TNR: variants seen among roughly 807,000 people sequenced by gnomAD.
TNR encodes tenascin R, also known as tenascin-R.
A neutral mutation model predicts 150.4 loss-of-function variants in TNR; 45 were observed. The observed-to-expected ratio is 0.30, with a 90% CI of 0.24 to 0.38. The LOEUF (loss-of-function observed/expected upper bound fraction) is 0.38. TNR is among the 10% of genes least tolerant of loss of function. TNR has a pLI of 1.00. For synonymous variants in TNR, 687 were observed against 678.4 expected (o/e 1.01, Z -0.20); for missense variants, 1,544 against 1,759.1 (o/e 0.88, Z 2.19).
chr1:175,549,419 C>T lies in TNR; in HGVS notation c.-164-21050G>A, dbSNP rs1350082483. On this transcript the variant is annotated intron_variant, in intron 1 of 22. Coordinates refer to ENST00000367674, the MANE Select transcript of TNR (RefSeq NM_003285.3). Reference sequence around the variant, plus strand: ...ACATACATAGTTATTTCTGCTCCCTCCTAAAAATCTCAACACTGTGGTGGC... The same window carrying T: ...ACATACATAGTTATTTCTGCTCCCTTCTAAAAATCTCAACACTGTGGTGGC... Among the ~76,000 whole-genome samples, 3 of 152,184 alleles carry T rather than the reference C, an allele frequency of 2.0e-5. No homozygotes were observed. In the East Asian group the frequency reaches 5.8e-4, roughly 29 times the overall value.
At position 175,396,621 on chromosome 1, in the gene TNR, C is replaced by T. The variant is rs1208587436; in HGVS notation, c.1163G>A (p.Gly388Asp). 2 of 1,614,224 alleles carry T rather than the reference C, an allele frequency of 1.2e-6. No homozygotes were observed. Among genetic ancestry groups the T allele is most frequent in the East Asian group, 2.2e-5 (1 of 44,886 alleles). ...SGVTITELEP[G>D]LTYNISVYAV... ...GTAGACGCTGATGTTGTAGGTGAGACCTGGCTCCAGCTCCGTGATGGTGAC... is the reference window on the plus strand; with the variant it reads ...GTAGACGCTGATGTTGTAGGTGAGATCTGGCTCCAGCTCCGTGATGGTGAC... Residue 388 changes from glycine (G) to aspartate (D), a missense_variant, in exon 5 of 23, where the codon GGT becomes GAT. Physicochemically the swap from Gly to Asp is moderately conservative, Grantham distance 94 (BLOSUM62 -1). Coordinates refer to ENST00000367674, the MANE Select transcript of TNR (RefSeq NM_003285.3).
intron 1 of TNR, among the ~76,000 whole-genome samples, chr1:175,650,800 C>CCCACCTG (rs1664945131): frequency 8.5e-4 from 2 of 2,344 alleles, no homozygotes; most frequent in Non-Finnish European, 2.0e-3. Flanking sequence ...TCCCCCATCT[C>CCCACCTG]ATTACTACCT....
chr1:175,513,820 G>C (rs1051692433), intron 2 of TNR, among the ~76,000 whole-genome samples: 1 of 152,196 alleles, frequency 6.6e-6, no homozygotes, highest in African/African-American at 2.4e-5. Flanking sequence ...AACCTCTGGA[G>C]AGGGCTTCTC....
chr1:175,405,182 A>G (rs992064895), intron 3 of TNR, among the ~76,000 whole-genome samples: 6 of 152,160 alleles, frequency 3.9e-5, no homozygotes, highest in African/African-American at 1.4e-4. Context: ...GGGAGAGAAA[A>G]CCTGTGCACA....
intron 1 of TNR, among the ~76,000 whole-genome samples, chr1:175,643,653 G>T (rs1464903053): frequency 6.6e-6 from 1 of 152,220 alleles, no homozygotes; most frequent in East Asian, 1.9e-4. Flanking sequence ...AGAGCCTAGA[G>T]AACTTTTAAT....
intron 1 of TNR, among the ~76,000 whole-genome samples, chr1:175,644,999 T>TA (rs1194809663): frequency 1.7e-4 from 26 of 152,212 alleles, no homozygotes; most frequent in Non-Finnish European, 3.2e-4. Flanking sequence ...AATGAGCCAT[T>TA]AGTCAATGAT....
At chr1:175,329,841 A>AT (rs1361709343) in intron 21 of TNR, among the ~76,000 whole-genome samples, 1 of 152,130 alleles carries the variant, frequency 6.6e-6, no homozygotes, top group Non-Finnish European at 1.5e-5. Flanking sequence ...CCTTATTATG[A>AT]TTTTCCAGAT....
At chr1:175,690,233 T>C (rs1666320858) in intron 1 of TNR, among the ~76,000 whole-genome samples, 1 of 152,186 alleles carries the variant, frequency 6.6e-6, no homozygotes, top group Non-Finnish European at 1.5e-5. Context: ...ACGTGTGGGG[T>C]ACTGTTATAG....
chr1:175,674,600 G>C (rs949726917), intron 1 of TNR, among the ~76,000 whole-genome samples: 13 of 152,148 alleles, frequency 8.5e-5, no homozygotes, highest in Non-Finnish European at 8.8e-5. Flanking sequence ...TGGAGACCAG[G>C]GTGGCCAACC....
chr1:175,560,774 AT>A (rs976493346), intron 1 of TNR, among the ~76,000 whole-genome samples: 3 of 152,192 alleles, frequency 2.0e-5, no homozygotes, highest in African/African-American at 7.2e-5. Context: ...TCATTTCTAA[AT>A]TGTGGTTTTA....
At chr1:175,596,331 G>A (rs376542011) in intron 1 of TNR, among the ~76,000 whole-genome samples, 11 of 152,008 alleles carry the variant, frequency 7.2e-5, no homozygotes, top group African/African-American at 2.2e-4. Flanking sequence ...CCCCCCACCC[G>A]TCGTTCACCA....
chr1:175,320,876 C>G lies in TNR; in HGVS notation c.*2481G>C, dbSNP rs990800517. On this transcript the variant is annotated 3_prime_UTR_variant, in exon 23 of 23. Coordinates refer to ENST00000367674, the MANE Select transcript of TNR (RefSeq NM_003285.3). Reference sequence around the variant, plus strand: ...TTCATTACCTAATTGTGCTGTCCCACCATGCCAATTTCTACTTAGGTTTTC... The same window carrying G: ...TTCATTACCTAATTGTGCTGTCCCAGCATGCCAATTTCTACTTAGGTTTTC... 2 of 151,646 alleles carry G rather than the reference C, an allele frequency of 1.3e-5. No individual in the cohort carries two copies. Among genetic ancestry groups the G allele is most frequent in the Non-Finnish European group, 2.9e-5 (2 of 67,954 alleles). 9.4% of individuals were successfully genotyped at this position (151,646 alleles called of 1,614,324 possible).
At chr1:175,697,846 G>A (rs1018711998) in intron 1 of TNR, among the ~76,000 whole-genome samples, 1 of 152,190 alleles carries the variant, frequency 6.6e-6, no homozygotes. Flanking sequence ...ATAACCAGGG[G>A]AAGCAGGCCA....
chr1:175,324,317 G>C (rs773264658), intron 22 of TNR, 39 bp downstream of exon 22: 1 of 1,600,766 alleles, frequency 6.2e-7, no homozygotes, highest in Non-Finnish European at 8.5e-7. Flanking sequence ...GGATTCCACA[G>C]CTCTGGCTCA....
At chr1:175,483,779 A>C (rs992422229) in intron 2 of TNR, among the ~76,000 whole-genome samples, 1 of 152,210 alleles carries the variant, frequency 6.6e-6, no homozygotes, top group African/African-American at 2.4e-5. Context: ...TTTGAGTTGC[A>C]GTCCAGGCTC....
intron 1 of TNR, among the ~76,000 whole-genome samples, chr1:175,637,554 T>G (rs751124557): frequency 6.6e-6 from 1 of 151,938 alleles, no homozygotes; most frequent in Non-Finnish European, 1.5e-5. Context: ...AGAAAAAAAA[T>G]AGAGAATCCC....
At chr1:175,559,386 G>A (rs1462991595) in intron 1 of TNR, among the ~76,000 whole-genome samples, 1 of 152,094 alleles carries the variant, frequency 6.6e-6, no homozygotes, top group Non-Finnish European at 1.5e-5. Flanking sequence ...GATAAACAGA[G>A]TGAAATAATA....
At chr1:175,580,410 T>C (rs1056207581) in intron 1 of TNR, among the ~76,000 whole-genome samples, 5 of 152,178 alleles carry the variant, frequency 3.3e-5, no homozygotes, top group African/African-American at 1.2e-4. Flanking sequence ...GATTAACTTT[T>C]TACAGAGATC....
rs377464121 is a variant in TNR, at chr1:175,367,192, C to G, written c.2053+16G>C. ...AGGCTAACCTGGTCTTCTTCCTCAGCAGTCCTCCTACTCACCAGTCCTGGC... is the reference window on the plus strand; with the variant it reads ...AGGCTAACCTGGTCTTCTTCCTCAGGAGTCCTCCTACTCACCAGTCCTGGC... On this transcript the variant is annotated intron_variant, in intron 10 of 22. Coordinates refer to ENST00000367674, the MANE Select transcript of TNR (RefSeq NM_003285.3). 6.7e-5 allele frequency: 108 copies of G among 1,612,984 alleles called. No individual in the cohort carries two copies. Among genetic ancestry groups the G allele is most frequent in the Non-Finnish European group, 8.8e-5 (104 of 1,179,212 alleles).
Sources: allele counts gnomAD v4.1 joint callset (sites outside exome capture counted in the v4.1 genomes callset), GRCh38; gene constraint gnomAD v4.1.1; transcripts MANE v1.5; gene names NCBI Gene and HGNC (gene_info 2026-07-23, HGNC 2026-07-21).